MINDY2: variants seen among roughly 807,000 people sequenced by gnomAD.
The protein encoded by MINDY2 is MINDY lysine 48 deubiquitinase 2.
In MINDY2, 52 loss-of-function variants were observed where a neutral mutation model predicts 68.2. The observed-to-expected ratio is 0.76, with a 90% CI of 0.61 to 0.96. The LOEUF is 0.96. Among genes scored for constraint, MINDY2 ranks in the 40% least tolerant of loss-of-function variants. MINDY2 has a pLI of 0.00. For missense variants in MINDY2, 881 were observed against 773.4 expected, an observed-to-expected ratio of 1.14 and a Z score of -1.65; for synonymous variants, 372 against 303.0, an observed-to-expected ratio of 1.23 and a Z score of -2.36.
chr15:58,854,830 G>A lies in MINDY2; in HGVS notation c.*220G>A. 2 of 396,976 alleles carry A rather than the reference G, an allele frequency of 5.0e-6. No individual in the cohort carries two copies. The highest frequency in any genetic ancestry group is 8.9e-6 in the Non-Finnish European group (2 of 224,814). 24.6% of individuals were successfully genotyped at this position (396,976 alleles called of 1,614,324 possible). On this transcript the variant is annotated 3_prime_UTR_variant, in exon 9 of 9. Transcript: ENST00000559228. ...TTTCATGTTACAAGTTGGAAATGCT[G>A]TGTGTTGACATTCATGAAAAATACT...
At chr15:58,814,704 T>C (rs1052125171) in intron 4 of MINDY2, among the ~76,000 whole-genome samples, 2 of 152,096 alleles carry the variant, frequency 1.3e-5, no homozygotes, top group African/African-American at 2.4e-5. Context: ...GCTATGTGTC[T>C]TTTTGTAATT....
chr15:58,833,482 G>T (rs1340053265), intron 6 of MINDY2, among the ~76,000 whole-genome samples: 5 of 152,210 alleles, frequency 3.3e-5, no homozygotes, highest in Non-Finnish European at 7.3e-5. Flanking sequence ...GCATGCGGAG[G>T]ATCCACGCCG....
intron 4 of MINDY2, among the ~76,000 whole-genome samples, chr15:58,821,077 A>C (rs1007797613): frequency 2.6e-5 from 4 of 151,730 alleles, no homozygotes; most frequent in Non-Finnish European, 2.9e-5. Context: ...ATTTTCCTAT[A>C]GCTTAAAAGT....
chr15:58,805,674 T>C (rs542738573), intron 3 of MINDY2, among the ~76,000 whole-genome samples: 2 of 152,336 alleles, frequency 1.3e-5, no homozygotes, highest in Non-Finnish European at 2.9e-5. Flanking sequence ...TATTTTGTAA[T>C]ATTAAGTATA....
chr15:58,807,941 A>G (rs2029925531), intron 3 of MINDY2, among the ~76,000 whole-genome samples: 3 of 151,830 alleles, frequency 2.0e-5, no homozygotes, highest in Admixed American at 2.0e-4. Context: ...TGTAGTCTCT[A>G]TTCTAGTGTC....
chr15:58,800,663 C>CT lies in MINDY2; in HGVS notation c.899-1636dup, dbSNP rs576365812. On this transcript the variant is annotated intron_variant, in intron 2 of 8. Coordinates refer to ENST00000559228, the MANE Select transcript of MINDY2 (RefSeq NM_001040450.3). ...GCTCATTTTTCTGCATCCAGTTTAG[C>CT]TTTTTTTTTTTTTTGAAACGATTAG... Among the ~76,000 whole-genome samples the CT allele has an allele frequency of 6.9e-3, 973 of 141,128 alleles. 7 individuals carry two copies. Among genetic ancestry groups the CT allele is most frequent in the Middle Eastern group, 0.036 (10 of 276 alleles). 92.6% of individuals were successfully genotyped at this position (141,128 alleles called of 152,430 possible). A position where few individuals can be genotyped will look rare whatever the true frequency, so the allele number is the denominator to read the frequency against.
intron 4 of MINDY2, among the ~76,000 whole-genome samples, chr15:58,820,456 A>AG (rs1250652002): frequency 4.6e-5 from 7 of 152,204 alleles, no homozygotes; most frequent in Middle Eastern, 3.4e-3. Flanking sequence ...AAAAAAAAAA[A>AG]AAAAGTTTAA....
Position 58,808,894 on chromosome 15 carries a change from G to A in MINDY2, c.964-1336G>A, listed in dbSNP as rs1250251839. On this transcript the variant is annotated intron_variant, in intron 3 of 8. Coordinates refer to ENST00000559228, the MANE Select transcript of MINDY2 (RefSeq NM_001040450.3). ...GCTGGGATTACAGGTGGGAGCCACC[G>A]TGCCCAGCCACTTTTTCATCTTTAA... Among the ~76,000 whole-genome samples the A allele has an allele frequency of 3.9e-5, 6 of 152,150 alleles. No homozygotes were observed. In the South Asian group the frequency reaches 8.3e-4, roughly 21 times the overall value.
chr15:58,840,535 A>G (rs1408884627), intron 6 of MINDY2, among the ~76,000 whole-genome samples: 21 of 151,990 alleles, frequency 1.4e-4, no homozygotes, highest in African/African-American at 5.1e-4. Context: ...TATCATTTAT[A>G]TCACTTCTTT....
chr15:58,774,758 G>C (rs972386975), intron 1 of MINDY2, among the ~76,000 whole-genome samples: 1 of 152,158 alleles, frequency 6.6e-6, no homozygotes, highest in Admixed American at 6.5e-5. Context: ...TGTATTGAAA[G>C]ATACTGAAGC....
chr15:58,810,788 A>T (rs1413012643), intron 4 of MINDY2, among the ~76,000 whole-genome samples: 1 of 152,218 alleles, frequency 6.6e-6, no homozygotes, highest in African/African-American at 2.4e-5. Context: ...TTAGCAAAGG[A>T]AAGAGACACA....
At chr15:58,850,121 G>C (rs1203990873) in intron 7 of MINDY2, among the ~76,000 whole-genome samples, 15 of 152,068 alleles carry the variant, frequency 9.9e-5, no homozygotes, top group Non-Finnish European at 2.1e-4. Context: ...TACACAGACT[G>C]GTCAAATTTT....
chr15:58,859,580 G>C lies in MINDY2; in HGVS notation c.*4970G>C, dbSNP rs980015456. ...TTGTTGAGAAAACATGAAGAATTGA[G>C]GTTACTCTTCTCAGGTGACACTTTA... On this transcript the variant is annotated 3_prime_UTR_variant, in exon 9 of 9. Coordinates refer to ENST00000559228, the MANE Select transcript of MINDY2 (RefSeq NM_001040450.3). 6.6e-6 allele frequency: 1 copy of C among 152,068 alleles called. No individual in the cohort carries two copies. Among genetic ancestry groups the C allele is most frequent in the Admixed American group, 6.6e-5 (1 of 15,258 alleles). 9.4% of individuals were successfully genotyped at this position (152,068 alleles called of 1,614,324 possible). A position where few individuals can be genotyped will look rare whatever the true frequency, so the allele number is the denominator to read the frequency against.
rs1282883369 is a variant in MINDY2 at position 58,854,584 on chromosome 15, GA to G, written c.1847del (p.Asn616IlefsTer41). 3.7e-6 allele frequency: 6 copies of G among 1,610,888 alleles called. No individual in the cohort carries two copies. The highest frequency in any genetic ancestry group is 4.2e-6 in the Non-Finnish European group (5 of 1,179,576). The part of the protein sequence containing the change: ...PREKDKEKEK[E>X]KNSCVIL ...AGAAAAAGATAAAGAAAAAGAAAAG[GA>G]AAAAAATAGCTGTGTTATTTTGTAA... is the stretch of plus-strand genomic sequence containing the variant. On this transcript the variant is annotated frameshift_variant, in exon 9 of 9. Coordinates refer to ENST00000559228, the MANE Select transcript of MINDY2 (RefSeq NM_001040450.3). LOFTEE classifies it high-confidence loss of function.
chr15:58,853,719 CT>C (rs2032941945), intron 8 of MINDY2, among the ~76,000 whole-genome samples: 1 of 148,998 alleles, frequency 6.7e-6, no homozygotes. Context: ...ACTCGGGAGA[CT>C]TGAGGCAGGA....
intron 5 of MINDY2, among the ~76,000 whole-genome samples, chr15:58,831,157 G>A (rs2031708446): frequency 1.3e-5 from 2 of 151,658 alleles, no homozygotes; most frequent in Admixed American, 6.6e-5. Context: ...ATCTACATGA[G>A]TGGCATATGT....
chr15:58,771,951 C>T lies in MINDY2; in HGVS notation c.556C>T (p.Pro186Ser), dbSNP rs775256599. 18 of 1,556,460 alleles carry T rather than the reference C, an allele frequency of 1.2e-5. No homozygotes were observed. Among genetic ancestry groups the T allele is most frequent in the Non-Finnish European group, 6.1e-6 (7 of 1,153,046 alleles). ...LESFSNLHSF[P>S]SSCEFNSEEG... ...GTCGTTCTCTAACCTGCATTCTTTT[C>T]CCAGTAGCTGCGAGTTCAATAGTGA... Residue 186 changes from proline (P) to serine (S), a missense_variant, in exon 1 of 9, where the codon CCC (proline) becomes TCC (serine). Pro to Ser is a moderately conservative substitution (Grantham distance 74). Coordinates refer to ENST00000559228, the MANE Select transcript of MINDY2 (RefSeq NM_001040450.3).
chr15:58,850,098 A>G (rs1174393480), intron 7 of MINDY2, among the ~76,000 whole-genome samples: 1 of 152,286 alleles, frequency 6.6e-6, no homozygotes, highest in East Asian at 1.9e-4. Context: ...TTGAGGGTAG[A>G]TGGGGGAGGA....
intron 3 of MINDY2, among the ~76,000 whole-genome samples, chr15:58,803,302 T>A (rs1902793102): frequency 6.9e-6 from 1 of 144,024 alleles, no homozygotes; most frequent in African/African-American, 2.5e-5. Context: ...CCATTTCTAC[T>A]AAAAATACAA....
Sources: gnomAD v4.1 joint callset for allele counts (sites outside exome capture counted in the v4.1 genomes callset) on GRCh38, gnomAD v4.1.1 for gene constraint, MANE v1.5 for transcripts, NCBI Gene and HGNC (gene_info 2026-07-23, HGNC 2026-07-21) for gene names.